CD33: variants seen among roughly 807,000 people sequenced by gnomAD.
CD33 encodes myeloid cell surface antigen CD33.
CD33 carries 25 observed loss-of-function variants against 31.4 expected under a neutral mutation model. That is an observed-to-expected ratio of 0.80 (90% CI 0.58 to 1.11). The LOEUF is 1.11. Among genes scored for constraint, CD33 ranks in the 50% most tolerant of loss-of-function variants. CD33 has a pLI of 0.00. For missense variants in CD33, 407 were observed against 448.1 expected (o/e 0.91, Z 0.83); for synonymous variants, 176 against 180.6 (o/e 0.97, Z 0.20).
At chr19:51,230,407 T>C (rs1981324332) in intron 4 of CD33, among the ~76,000 whole-genome samples, 1 of 152,196 alleles carries the variant, frequency 6.6e-6, no homozygotes, top group Non-Finnish European at 1.5e-5. Flanking sequence ...AAATCCAACG[T>C]TTATTTGTTA....
At chr19:51,231,332 T>C (rs1308362587) in intron 4 of CD33, among the ~76,000 whole-genome samples, 1 of 152,260 alleles carries the variant, frequency 6.6e-6, no homozygotes, top group Non-Finnish European at 1.5e-5. Context: ...CTTTATGTAC[T>C]ATTAACTTGT....
At chr19:51,225,066 T>A, upstream of CD33, 2 of 1,609,916 alleles carry the variant, frequency 1.2e-6, no homozygotes. Flanking sequence ...TCCCCTCCAC[T>A]CCCTTCCTCT....
chr19:51,216,445 C>T, the CD33 span, among the ~76,000 whole-genome samples: 1 of 152,076 alleles, frequency 6.6e-6, no homozygotes, highest in East Asian at 1.9e-4. Context: ...CATCGTGGCT[C>T]ACACCTGTAA....
the CD33 span, chr19:51,211,440 C>T: frequency 1.1e-5 from 17 of 1,569,488 alleles, no homozygotes; most frequent in Non-Finnish European, 1.5e-5. Flanking sequence ...AGGGCTGATT[C>T]CGCCTCCTTG....
At chr19:51,235,303 C>A in intron 5 of CD33, 50 bp downstream of exon 5, 1 of 1,543,890 alleles carries the variant, frequency 6.5e-7, no homozygotes, top group Non-Finnish European at 9.0e-7. Context: ...AGAGGATGGA[C>A]CTGGTGTAGA....
In CD33 at chr19:51,225,836, G is replaced by GCATTCTAGAACCCGGC; in HGVS notation, c.454_455insTTCTAGAACCCGGCCA (p.Thr152IlefsTer24). Reference sequence around the variant, plus strand: ...CACAGGCCCAAAATCCTCATCCCTGGCACTCTAGAACCCGGCCACTCCAAA... The same window carrying GCATTCTAGAACCCGGC: ...CACAGGCCCAAAATCCTCATCCCTGGCATTCTAGAACCCGGCCACTCTAGAACCCGGCCACTCCAAA... On this transcript the variant is annotated frameshift_variant, in exon 3 of 7. Coordinates refer to ENST00000262262, the MANE Select transcript of CD33 (RefSeq NM_001772.4). LOFTEE classifies it high-confidence loss of function. The GCATTCTAGAACCCGGC allele has an allele frequency of 6.2e-7, 1 of 1,613,756 alleles. No homozygotes were observed. Among genetic ancestry groups the GCATTCTAGAACCCGGC allele is most frequent in the Non-Finnish European group, 8.5e-7 (1 of 1,179,860 alleles).
intron 5 of CD33, 97 bp from the exon 6 acceptor site, chr19:51,235,498 C>T: frequency 2.7e-6 from 4 of 1,484,250 alleles, no homozygotes; most frequent in Non-Finnish European, 3.6e-6. Context: ...TGGATTAATC[C>T]CACCCTTTAC....
chr19:51,233,319 C>T (rs1344888390), intron 4 of CD33, among the ~76,000 whole-genome samples: 1 of 152,182 alleles, frequency 6.6e-6, no homozygotes, highest in Non-Finnish European at 1.5e-5. Context: ...TGTGTGTTCG[C>T]CCTGAGTGGG....
At chr19:51,227,119 G>C (rs1027215077) in intron 4 of CD33, among the ~76,000 whole-genome samples, 1 of 151,906 alleles carries the variant, frequency 6.6e-6, no homozygotes, top group Admixed American at 6.6e-5. Flanking sequence ...TTATTCATCT[G>C]TTGTTGGACA....
At position 51,235,256 on chromosome 19, in the gene CD33, G is replaced by A. The variant is rs1228461071; in HGVS notation, c.842+3G>A. On this transcript the variant is annotated splice_donor_region_variant and intron_variant, in intron 5 of 6. Transcript: ENST00000262262. ...TGTCTCTGCCTCATCTTCTTCATGT[G>A]AGCATTTTCTCTGGGTCAGGCATGG... is the stretch of plus-strand genomic sequence containing the variant. The A allele has an allele frequency of 1.2e-6, 2 of 1,613,316 alleles. No individual in the cohort carries two copies. Among genetic ancestry groups the A allele is most frequent in the Non-Finnish European group, 1.7e-6 (2 of 1,179,422 alleles).
At chr19:51,222,133 T>C (rs999690467), upstream of CD33, among the ~76,000 whole-genome samples, 2 of 152,190 alleles carry the variant, frequency 1.3e-5, no homozygotes, top group African/African-American at 2.4e-5. Context: ...AAATTGCATA[T>C]GATAAAGAGT....
At chr19:51,211,935 G>T in the CD33 span, 1 of 1,423,040 alleles carries the variant, frequency 7.0e-7, no homozygotes, top group Non-Finnish European at 9.9e-7. Context: ...CATCTCCCTG[G>T]GCCCCAGGAC....
At chr19:51,230,792 G>A (rs1981348403) in intron 4 of CD33, among the ~76,000 whole-genome samples, 1 of 152,160 alleles carries the variant, frequency 6.6e-6, no homozygotes, top group Non-Finnish European at 1.5e-5. Context: ...TAGCTGTGTT[G>A]GTAGAAGGGC....
At chr19:51,220,314 T>G (rs1980626624), upstream of CD33, among the ~76,000 whole-genome samples, 1 of 152,242 alleles carries the variant, frequency 6.6e-6, no homozygotes, top group Non-Finnish European at 1.5e-5. Flanking sequence ...AAAGATATTA[T>G]TCTCTCACAG....
intron 4 of CD33, among the ~76,000 whole-genome samples, chr19:51,227,710 C>G (rs1981129013): frequency 1.3e-5 from 2 of 152,248 alleles, no homozygotes; most frequent in African/African-American, 2.4e-5. Flanking sequence ...TGCATAGAAG[C>G]TTTTTAGCTT....
intron 4 of CD33, among the ~76,000 whole-genome samples, chr19:51,232,248 A>G (rs1444714848): frequency 6.6e-6 from 1 of 152,218 alleles, no homozygotes; most frequent in East Asian, 1.9e-4. Flanking sequence ...ATCCTGGCCT[A>G]TATAATGTTA....
In CD33 at chr19:51,225,810, C is replaced by A. The variant is rs1434372344; in HGVS notation, c.426C>A (p.Thr142=). Residue 142 remains threonine, a synonymous_variant, in exon 3 of 7, where the codon ACC becomes ACA. Transcript: ENST00000262262. The part of the protein sequence containing the change: ...PQLSVHVTDL[T]HRPKILIPGT... The stretch of plus-strand genomic sequence containing the variant: ...CCTCTTTCTCCTCACTAGACTTGAC[C>A]CACAGGCCCAAAATCCTCATCCCTG... 4 of 1,613,518 alleles carry A rather than the reference C, an allele frequency of 2.5e-6. No homozygotes were observed. The highest frequency in any genetic ancestry group is 3.4e-6 in the Non-Finnish European group (4 of 1,179,630).
chr19:51,216,159 C>T, the CD33 span, among the ~76,000 whole-genome samples: 1 of 151,932 alleles, frequency 6.6e-6, no homozygotes, highest in Non-Finnish European at 1.5e-5. Context: ...AAATGCCCTT[C>T]CCTCCCATTC....
At chr19:51,221,428 A>G (rs1347980835), upstream of CD33, among the ~76,000 whole-genome samples, 1 of 152,248 alleles carries the variant, frequency 6.6e-6, no homozygotes, top group Non-Finnish European at 1.5e-5. Flanking sequence ...AGGTAGCATT[A>G]CATACCTGAG....
Sources: gnomAD v4.1 joint callset for allele counts (sites outside exome capture counted in the v4.1 genomes callset) on GRCh38, gnomAD v4.1.1 for gene constraint, MANE v1.5 for transcripts, NCBI Gene and HGNC (gene_info 2026-07-23, HGNC 2026-07-21) for gene names.